ZNF385B: variants seen among roughly 807,000 people sequenced by gnomAD.
The protein encoded by ZNF385B is zinc finger protein 533.
In ZNF385B, 23 loss-of-function variants were observed where a neutral mutation model predicts 39.2. The observed-to-expected ratio is 0.59, with a 90% CI of 0.42 to 0.83. The LOEUF is 0.83. Ranked by LOEUF, ZNF385B falls within the 40% of genes least tolerant of loss-of-function variation. ZNF385B has a pLI of 0.00. For missense variants in ZNF385B, 552 were observed against 598.9 expected (o/e 0.92, Z 0.82); for synonymous variants, 205 against 222.6 (o/e 0.92, Z 0.70).
Position 179,479,255 on chromosome 2 carries a change from C to A in ZNF385B, c.715+4017G>T, listed in dbSNP as rs144343851. 4.4e-3 allele frequency among the ~76,000 whole-genome samples: 670 copies of A among 152,130 alleles called. 3 individuals carry two copies. Among genetic ancestry groups the A allele is most frequent in the African/African-American group, 0.015 (629 of 41,506 alleles). ...TAGTTAGAACTTCTTATGATAAATG[C>A]AATTCATGCTATTATAGTTTAAACC... On this transcript the variant is annotated intron_variant, in intron 6 of 9. Coordinates refer to ENST00000410066, the MANE Select transcript of ZNF385B (RefSeq NM_152520.6).
At position 179,523,348 on chromosome 2, in the gene ZNF385B, GT is replaced by G. The variant is rs574497139; in HGVS notation, c.442-4711del. Among the ~76,000 whole-genome samples, 662 of 108,644 alleles carry G rather than the reference GT, an allele frequency of 6.1e-3. 5 individuals carry two copies. Among genetic ancestry groups the G allele is most frequent in the Middle Eastern group, 0.01 (2 of 196 alleles). 71.3% of individuals were successfully genotyped at this position (108,644 alleles called of 152,430 possible). A position where few individuals can be genotyped will look rare whatever the true frequency, so the allele number is the denominator to read the frequency against. ...TTACAGAGACTACAAATCTGTGTGC[GT>G]TTTTTTTTTTTTTTTTTTAAAGAGC... On this transcript the variant is annotated intron_variant, in intron 4 of 9. Coordinates refer to ENST00000410066, the MANE Select transcript of ZNF385B (RefSeq NM_152520.6).
chr2:179,699,024 AT>A (rs1278277222), intron 3 of ZNF385B, among the ~76,000 whole-genome samples: 1 of 152,014 alleles, frequency 6.6e-6, no homozygotes, highest in African/African-American at 2.4e-5. Flanking sequence ...TTCATATTGG[AT>A]TTAAAGTCAT....
At chr2:179,842,682 G>A (rs1269265623) in intron 1 of ZNF385B, among the ~76,000 whole-genome samples, 1 of 151,934 alleles carries the variant, frequency 6.6e-6, no homozygotes, top group Non-Finnish European at 1.5e-5. Flanking sequence ...AGGCCACCAT[G>A]AGCAGCCCTT....
chr2:179,578,717 T>C (rs1515308), intron 3 of ZNF385B, among the ~76,000 whole-genome samples: 32,662 of 152,000 alleles, frequency 0.21, 3,677 homozygotes, highest in Non-Finnish European at 0.24. Flanking sequence ...CATTAGATTC[T>C]GTTCCTAAAG....
At chr2:179,819,034 T>TACACACACACACACAC (rs10556902) in intron 1 of ZNF385B, among the ~76,000 whole-genome samples, 3 of 148,090 alleles carry the variant, frequency 2.0e-5, no homozygotes, top group Non-Finnish European at 4.5e-5. Flanking sequence ...TGTTTATAAA[T>TACACACACACACACAC]ACACACACAC....
At chr2:179,738,975 A>G (rs1334862488) in intron 3 of ZNF385B, among the ~76,000 whole-genome samples, 1 of 152,196 alleles carries the variant, frequency 6.6e-6, no homozygotes, top group African/African-American at 2.4e-5. Flanking sequence ...AATATCAACA[A>G]AGACTTTGTT....
At chr2:179,636,879 T>C (rs766844942) in intron 3 of ZNF385B, among the ~76,000 whole-genome samples, 12 of 152,208 alleles carry the variant, frequency 7.9e-5, no homozygotes, top group Non-Finnish European at 1.3e-4. Context: ...CATGTCGATA[T>C]AGTTTTTTTC....
intron 3 of ZNF385B, among the ~76,000 whole-genome samples, chr2:179,626,356 T>C (rs1390606804): frequency 2.6e-5 from 4 of 152,140 alleles, no homozygotes; most frequent in African/African-American, 4.8e-5. Context: ...GGAGATGGGA[T>C]AGATGATACA....
intron 4 of ZNF385B, among the ~76,000 whole-genome samples, chr2:179,537,216 C>T (rs376121456): frequency 1.3e-5 from 2 of 150,624 alleles, no homozygotes; most frequent in Non-Finnish European, 1.5e-5. Context: ...GCAAGAGAAT[C>T]GCTTGAACCT....
At chr2:179,837,199 A>G (rs1347193401) in intron 1 of ZNF385B, among the ~76,000 whole-genome samples, 1 of 152,238 alleles carries the variant, frequency 6.6e-6, no homozygotes, top group African/African-American at 2.4e-5. Context: ...CAAGCTGCCA[A>G]TTTGCTAAGC....
At chr2:179,562,513 G>A (rs1684036830) in intron 3 of ZNF385B, 7 of 985,340 alleles carry the variant, frequency 7.1e-6, no homozygotes, top group Non-Finnish European at 8.4e-6. Flanking sequence ...GTGAAATGTG[G>A]TGCTAGGAAA....
At chr2:179,649,547 T>C (rs1283803238) in intron 3 of ZNF385B, among the ~76,000 whole-genome samples, 1 of 152,172 alleles carries the variant, frequency 6.6e-6, no homozygotes, top group African/African-American at 2.4e-5. Context: ...TAAAATTATC[T>C]TATGGGGTAA....
intron 3 of ZNF385B, among the ~76,000 whole-genome samples, chr2:179,729,902 C>A (rs995196568): frequency 6.6e-6 from 1 of 152,156 alleles, no homozygotes; most frequent in Admixed American, 6.6e-5. Context: ...ATCTGCTTCC[C>A]CTTCCGCCAT....
intron 5 of ZNF385B, among the ~76,000 whole-genome samples, chr2:179,494,534 A>G (rs2055946692): frequency 6.6e-6 from 1 of 152,234 alleles, no homozygotes; most frequent in African/African-American, 2.4e-5. Flanking sequence ...ATTTTTGGAC[A>G]TAAATCATCC....
chr2:179,463,589 T>C (rs1252327308), intron 6 of ZNF385B, among the ~76,000 whole-genome samples: 1 of 151,732 alleles, frequency 6.6e-6, no homozygotes, highest in Non-Finnish European at 1.5e-5. Context: ...CACTTATGAG[T>C]GAGAACATGC....
chr2:179,592,829 CTG>C (rs549376989), intron 3 of ZNF385B, among the ~76,000 whole-genome samples: 1 of 152,110 alleles, frequency 6.6e-6, no homozygotes, highest in African/African-American at 2.4e-5. Flanking sequence ...CTTTATTTCT[CTG>C]TGTCTTTTTT....
chr2:179,711,427 G>T (rs2106384360), intron 3 of ZNF385B, among the ~76,000 whole-genome samples: 1 of 152,320 alleles, frequency 6.6e-6, no homozygotes, highest in African/African-American at 2.4e-5. Flanking sequence ...AATAGTGGAA[G>T]AATGACATGA....
chr2:179,713,255 T>C (rs576250031), intron 3 of ZNF385B, among the ~76,000 whole-genome samples: 1 of 152,266 alleles, frequency 6.6e-6, no homozygotes, highest in African/African-American at 2.4e-5. Flanking sequence ...GAGTGGAAAA[T>C]AGGATAAATG....
intron 5 of ZNF385B, among the ~76,000 whole-genome samples, chr2:179,488,732 G>C (rs770753440): frequency 6.6e-6 from 1 of 152,104 alleles, no homozygotes; most frequent in Non-Finnish European, 1.5e-5. Flanking sequence ...ATTTCAATGT[G>C]TTAAGCAGTG....
Sources: allele counts gnomAD v4.1 joint callset (sites outside exome capture counted in the v4.1 genomes callset), GRCh38; gene constraint gnomAD v4.1.1; transcripts MANE v1.5; gene names NCBI Gene and HGNC (gene_info 2026-07-23, HGNC 2026-07-21).